Variants in NGEF observed in about 807,000 individuals in gnomAD.
NGEF encodes the protein neuronal guanine nucleotide exchange factor, also known as ephexin-1.
NGEF carries 31 observed loss-of-function variants against 80.9 expected under a neutral mutation model. The observed-to-expected ratio is 0.38, with a 90% confidence interval of 0.29 to 0.52. The LOEUF (loss-of-function observed/expected upper bound fraction) is 0.52. Among genes scored for constraint, NGEF ranks in the 20% least tolerant of loss-of-function variants. The probability of loss-of-function intolerance (pLI) is 0.84; values close to 1 mark genes in which losing one functional copy is unlikely to be tolerated. For synonymous variants in NGEF, 371 were observed against 370.2 expected, an observed-to-expected ratio of 1.00 and a Z score of -0.03; for missense variants, 709 against 926.2, an observed-to-expected ratio of 0.77 and a Z score of 3.04.
intron 12 of NGEF, 48 bp from the exon 13 acceptor site, chr2:232,882,313 C>T (rs773554150): frequency 1.3e-6 from 2 of 1,539,106 alleles, no homozygotes; most frequent in East Asian, 4.5e-5. Context: ...CAACGGCAGC[C>T]CCCCAACGTG....
chr2:232,895,459 A>G (rs1458653500), intron 5 of NGEF, among the ~76,000 whole-genome samples: 1 of 151,554 alleles, frequency 6.6e-6, no homozygotes, highest in East Asian at 1.9e-4. Flanking sequence ...CCTGGGAGGC[A>G]GAGGTTGCAG....
At chr2:233,006,822 T>G (rs1474676536) in intron 1 of NGEF, among the ~76,000 whole-genome samples, 1 of 152,088 alleles carries the variant, frequency 6.6e-6, no homozygotes, top group African/African-American at 2.4e-5. Flanking sequence ...GTCAGAGAGG[T>G]TAACCGACTC....
At chr2:232,938,960 C>G (rs1693385701) in intron 3 of NGEF, among the ~76,000 whole-genome samples, 2 of 151,778 alleles carry the variant, frequency 1.3e-5, no homozygotes, top group Non-Finnish European at 2.9e-5. Context: ...GCAGGTGGAT[C>G]AGAGTTCAGG....
rs1691925035 is a variant in NGEF at position 232,892,830 on chromosome 2, G to T, written c.1142+68C>A. On this transcript the variant is annotated intron_variant, in intron 7 of 14. Transcript: ENST00000264051. This position sits in a 1 kb window ranked among gnomAD's most constrained non-coding sequence, Gnocchi z 4.0. ...GAAGTGTCACCGTGTAAGGAGCCTG[G>T]GCCAGCACTGGTATGGCTGCCCCGG... 1 of 1,534,596 alleles carries T rather than the reference G, an allele frequency of 6.5e-7. No homozygotes were observed. The highest frequency in any genetic ancestry group is 8.9e-7 in the Non-Finnish European group (1 of 1,119,060).
At chr2:232,963,770 G>A (rs1694001866) in intron 3 of NGEF, among the ~76,000 whole-genome samples, 2 of 152,110 alleles carry the variant, frequency 1.3e-5, no homozygotes, top group African/African-American at 2.4e-5. Context: ...CCAAGATCGT[G>A]CCACTGCACT....
In NGEF at chr2:232,931,095, A is replaced by G. The variant is rs146386461; in HGVS notation, c.384-3909T>C. Among the ~76,000 whole-genome samples, 7 of 152,362 alleles carry G rather than the reference A, an allele frequency of 4.6e-5. No individual in the cohort carries two copies. The East Asian group carries it at 1.3e-3, about 29-fold the overall frequency. ...AAATCCCATTCCAAAAGGGAAAAAT[A>G]GAAAAAGAGAGAGAGGAAGGAAGGA... is the stretch of plus-strand genomic sequence containing the variant. On this transcript the variant is annotated intron_variant, in intron 3 of 14. Transcript: ENST00000264051.
intron 5 of NGEF, among the ~76,000 whole-genome samples, chr2:232,896,051 T>TACTGCTCG (rs3038710): frequency 6.6e-6 from 1 of 151,162 alleles, no homozygotes; most frequent in Non-Finnish European, 1.5e-5. Context: ...CACCCTCTGA[T>TACTGCTCG]ACTTAGGGCG....
At chr2:232,928,248 G>GTT in intron 3 of NGEF, 7 of 817,160 alleles carry the variant, frequency 8.6e-6, no homozygotes, top group Non-Finnish European at 1.0e-5. Flanking sequence ...CCGGGCGGCG[G>GTT]CGGGGCGGGG....
chr2:232,981,869 T>G (rs12466126), intron 1 of NGEF, among the ~76,000 whole-genome samples: 41,266 of 152,196 alleles, frequency 0.27, 6,675 homozygotes, highest in East Asian at 0.6. Context: ...GTGAACCCAC[T>G]GGGTGTTTAT....
chr2:232,978,053 T>G (rs754230196), intron 1 of NGEF, among the ~76,000 whole-genome samples: 1 of 152,038 alleles, frequency 6.6e-6, no homozygotes, highest in Non-Finnish European at 1.5e-5. Context: ...GAGAAAAGTT[T>G]GTGGACAGAA....
chr2:232,946,973 G>C (rs1693572983), intron 3 of NGEF, among the ~76,000 whole-genome samples: 1 of 152,118 alleles, frequency 6.6e-6, no homozygotes, highest in South Asian at 2.1e-4. Context: ...ATCAACTAAT[G>C]TAAGTATGAG....
intron 1 of NGEF, among the ~76,000 whole-genome samples, chr2:233,004,603 C>G: frequency 6.6e-6 from 1 of 152,214 alleles, no homozygotes; most frequent in East Asian, 1.9e-4. Context: ...AAACCTGGTC[C>G]TTTGTGGAAA....
chr2:232,956,064 C>G (rs908004625), intron 3 of NGEF, among the ~76,000 whole-genome samples: 30 of 152,096 alleles, frequency 2.0e-4, no homozygotes, highest in Non-Finnish European at 3.8e-4. Flanking sequence ...TGTGCTGGAC[C>G]CTGTCTACTG....
rs71421671 is a variant in NGEF, at chr2:232,933,189, C to T, written c.384-6003G>A. 1.3e-3 allele frequency among the ~76,000 whole-genome samples: 194 copies of T among 152,018 alleles called. 1 individual carries two copies. The highest frequency in any genetic ancestry group is 2.3e-3 in the Non-Finnish European group (154 of 67,952). ...ATTCATGAGGATGCTGCCCTCTAGA[C>T]CCAACTTCTCAAAGGCCCTACCTTC... On this transcript the variant is annotated intron_variant, in intron 3 of 14. Transcript: ENST00000264051.
chr2:232,979,064 G>T (rs1380950469), intron 1 of NGEF, among the ~76,000 whole-genome samples: 1 of 152,126 alleles, frequency 6.6e-6, no homozygotes, highest in Admixed American at 6.5e-5. Context: ...ACCACCAAGG[G>T]CACTGGGCCA....
intron 5 of NGEF, among the ~76,000 whole-genome samples, chr2:232,902,863 C>T (rs555364898): frequency 1.4e-4 from 21 of 152,196 alleles, no homozygotes; most frequent in Non-Finnish European, 2.6e-4. Flanking sequence ...GCATGGTGGC[C>T]GGTGTCTGTA....
intron 3 of NGEF, among the ~76,000 whole-genome samples, chr2:232,937,214 T>C (rs1693345598): frequency 6.6e-6 from 1 of 152,160 alleles, no homozygotes; most frequent in South Asian, 2.1e-4. Flanking sequence ...GTGATCCACC[T>C]GCCTCGGTCT....
At chr2:232,931,645 G>A (rs769929981) in intron 3 of NGEF, among the ~76,000 whole-genome samples, 20 of 152,130 alleles carry the variant, frequency 1.3e-4, no homozygotes, top group Admixed American at 2.0e-4. Context: ...AGACTTAACC[G>A]TCCCAACAAA....
intron 2 of NGEF, among the ~76,000 whole-genome samples, chr2:232,973,230 C>T (rs139530799): frequency 1.3e-5 from 2 of 152,156 alleles, no homozygotes; most frequent in African/African-American, 4.8e-5. Flanking sequence ...AGGCAGAGAC[C>T]CCAGCTTCCT....
Sources: gnomAD v4.1 joint callset for allele counts (sites outside exome capture counted in the v4.1 genomes callset) on GRCh38, gnomAD v4.1.1 for gene constraint, Gnocchi (gnomAD v3.1) non-coding constraint, MANE v1.5 for transcripts, NCBI Gene and HGNC (gene_info 2026-07-23, HGNC 2026-07-21) for gene names.